NSUN4: variants seen among roughly 807,000 people sequenced by gnomAD.
NSUN4 encodes the protein NOP2/Sun RNA methyltransferase 4.
NSUN4 carries 31 observed loss-of-function variants against 43.8 expected under a neutral mutation model. The ratio of observed to expected loss-of-function variants is 0.71; its 90% CI spans 0.53 to 0.96. The LOEUF is 0.96. Ranked by LOEUF, NSUN4 falls within the 40% of genes least tolerant of loss-of-function variation. The probability of loss-of-function intolerance (pLI) is 0.00; values close to 1 mark genes in which losing one functional copy is unlikely to be tolerated. For missense variants in NSUN4, 439 were observed against 475.6 expected, an observed-to-expected ratio of 0.92 and a Z score of 0.72; for synonymous variants, 167 against 184.1, an observed-to-expected ratio of 0.91 and a Z score of 0.75.
the NSUN4 span, among the ~76,000 whole-genome samples, chr1:46,377,684 G>A: frequency 6.6e-6 from 1 of 152,192 alleles, no homozygotes; most frequent in Non-Finnish European, 1.5e-5. Flanking sequence ...CTGTGGATCA[G>A]TTTTAGTCAC....
the NSUN4 span, among the ~76,000 whole-genome samples, chr1:46,382,049 T>C: frequency 2.0e-5 from 3 of 152,304 alleles, no homozygotes; most frequent in South Asian, 2.1e-4. Context: ...AGTCTTTCCA[T>C]AGGTGGGCCT....
the NSUN4 span, among the ~76,000 whole-genome samples, chr1:46,376,633 G>A: frequency 6.6e-6 from 1 of 152,032 alleles, no homozygotes; most frequent in African/African-American, 2.4e-5. Context: ...ACCTTTAAAT[G>A]AAAGGATAGA....
At chr1:46,360,244 AAAAAAAT>A (rs1489649589) in intron 4 of NSUN4, among the ~76,000 whole-genome samples, 16 of 39,454 alleles carry the variant, frequency 4.1e-4, no homozygotes, top group African/African-American at 1.2e-3. Context: ...AAAAAAAAAA[AAAAAAAT>A]ATATATATAT....
intron 1 of NSUN4, 40 bp from the exon 2 acceptor site, chr1:46,344,761 A>G (rs1310334535): frequency 6.4e-7 from 1 of 1,570,382 alleles, no homozygotes; most frequent in South Asian, 1.2e-5. Flanking sequence ...GGGTAGAGTC[A>G]AGACTGGGAA....
chr1:46,375,115 C>G, the NSUN4 span, among the ~76,000 whole-genome samples: 5 of 152,068 alleles, frequency 3.3e-5, no homozygotes, highest in African/African-American at 4.8e-5. Context: ...ACTAAACTGA[C>G]CAAGAAAAGA....
At chr1:46,369,450 A>G (rs1410082752), downstream of NSUN4, among the ~76,000 whole-genome samples, 1 of 152,248 alleles carries the variant, frequency 6.6e-6, no homozygotes, top group Non-Finnish European at 1.5e-5. Context: ...CTAGTGGGCA[A>G]GATAGACAAG....
intron 3 of NSUN4, among the ~76,000 whole-genome samples, chr1:46,348,310 G>A (rs72677587): frequency 0.22 from 34,165 of 152,160 alleles, 4,313 homozygotes; most frequent in Non-Finnish European, 0.29. Context: ...TCTGCTGGCC[G>A]GTTCAGAAAT....
intron 1 of NSUN4, chr1:46,344,336 A>AT (rs979221230): frequency 1.2e-4 from 20 of 160,886 alleles, no homozygotes; most frequent in South Asian, 4.1e-4. Flanking sequence ...AATGTTGTTA[A>AT]TTTTTTTTTG....
At chr1:46,381,178 C>G in the NSUN4 span, among the ~76,000 whole-genome samples, 1 of 152,208 alleles carries the variant, frequency 6.6e-6, no homozygotes, top group South Asian at 2.1e-4. Context: ...CTGGGTTATG[C>G]AGCACGATCT....
chr1:46,346,855 TG>T (rs1442045431), intron 2 of NSUN4, 65 bp from the exon 3 acceptor site: 3 of 1,378,508 alleles, frequency 2.2e-6, no homozygotes, highest in Non-Finnish European at 3.0e-6. Context: ...ATAGACTTGG[TG>T]GCCTAGACTC....
rs531314170 is a variant in NSUN4, at chr1:46,362,622, G to A, written c.*776G>A. 6.6e-6 allele frequency: 1 copy of A among 152,234 alleles called. No individual in the cohort carries two copies. The highest frequency in any genetic ancestry group is 2.4e-5 in the African/African-American group (1 of 41,460). The allele number at this position is 152,234 out of a possible 1,614,324, so 9.4% of individuals were successfully genotyped here. ...AGGTAGCTAGGGAGCTCTTGGAGAT[G>A]TAGCAGTTGGGATTGTGGGAGATTA... On this transcript the variant is annotated 3_prime_UTR_variant, in exon 6 of 6. Coordinates refer to ENST00000474844, the MANE Select transcript of NSUN4 (RefSeq NM_199044.4).
intron 4 of NSUN4, among the ~76,000 whole-genome samples, chr1:46,356,739 C>A (rs1431697942): frequency 6.6e-6 from 1 of 152,016 alleles, no homozygotes; most frequent in African/African-American, 2.4e-5. Context: ...CAGGGCTCTA[C>A]ATACTCTTGG....
chr1:46,353,102 G>A, intron 4 of NSUN4, 74 bp downstream of exon 4: 9 of 1,402,082 alleles, frequency 6.4e-6, no homozygotes, highest in Non-Finnish European at 9.0e-6. Flanking sequence ...GGCCTGAGGG[G>A]TTAGGATCCA....
At chr1:46,359,779 A>AT (rs1018021065) in intron 4 of NSUN4, among the ~76,000 whole-genome samples, 26 of 151,954 alleles carry the variant, frequency 1.7e-4, no homozygotes, top group African/African-American at 6.3e-4. Context: ...TAATTAAAAA[A>AT]TTTTTTTTGT....
intron 1 of NSUN4, 81 bp downstream of exon 1, chr1:46,341,000 C>T: frequency 7.5e-7 from 1 of 1,332,186 alleles, no homozygotes; most frequent in East Asian, 2.5e-5. Flanking sequence ...CCCTCTAGAA[C>T]GCCTAGCGTC....
intron 1 of NSUN4, chr1:46,342,489 T>G (rs1483834686): frequency 2.5e-5 from 10 of 399,128 alleles, no homozygotes; most frequent in Non-Finnish European, 4.0e-5. Context: ...TGATTCTCCT[T>G]GCTCACCCCA....
chr1:46,355,228 C>A (rs1430736462), intron 4 of NSUN4, among the ~76,000 whole-genome samples: 1 of 152,186 alleles, frequency 6.6e-6, no homozygotes, highest in Non-Finnish European at 1.5e-5. Context: ...AAGCAGGACC[C>A]ATTATCATTA....
the NSUN4 span, chr1:46,370,864 C>G: frequency 2.0e-5 from 3 of 152,444 alleles, no homozygotes; most frequent in Admixed American, 1.3e-4. Context: ...GACACACAGA[C>G]AGATCAAGTT....
intron 4 of NSUN4, among the ~76,000 whole-genome samples, chr1:46,357,716 CT>C (rs962341225): frequency 2.1e-4 from 31 of 147,914 alleles, no homozygotes; most frequent in Admixed American, 1.4e-4. Flanking sequence ...ACTCCTACAG[CT>C]TTTTTTTTTA....
Sources: allele counts gnomAD v4.1 joint callset (sites outside exome capture counted in the v4.1 genomes callset), GRCh38; gene constraint gnomAD v4.1.1; transcripts MANE v1.5; gene names NCBI Gene and HGNC (gene_info 2026-07-23, HGNC 2026-07-21).